Variants in TLN2 observed in about 807,000 individuals in gnomAD.
TLN2 encodes talin-2.
In TLN2, 118 loss-of-function variants were observed where a neutral mutation model predicts 294.7. The ratio of observed to expected loss-of-function variants is 0.40; its 90% CI spans 0.34 to 0.47. TLN2 has a LOEUF of 0.47. Among genes scored for constraint, TLN2 ranks in the 20% least tolerant of loss-of-function variants. The pLI is 0.84. For synonymous variants in TLN2, 1,431 were observed against 1,304.5 expected (o/e 1.10, Z -2.09); for missense variants, 3,083 against 3,282.2 (o/e 0.94, Z 1.48).
At chr15:62,658,732 A>G (rs1032009753) in intron 9 of TLN2, among the ~76,000 whole-genome samples, 1 of 152,136 alleles carries the variant, frequency 6.6e-6, no homozygotes, top group Non-Finnish European at 1.5e-5. Flanking sequence ...TTCCTTCCTC[A>G]GGAACCTCGG....
At chr15:62,797,880 C>T (rs759130861) in intron 48 of TLN2, among the ~76,000 whole-genome samples, 3 of 152,102 alleles carry the variant, frequency 2.0e-5, no homozygotes, top group African/African-American at 4.8e-5. Context: ...ATAGAGGTAG[C>T]GACTGCAACC....
chr15:62,753,204 G>A (rs756142441), intron 35 of TLN2, among the ~76,000 whole-genome samples: 2 of 152,042 alleles, frequency 1.3e-5, no homozygotes, highest in Non-Finnish European at 2.9e-5. Context: ...TGCCTTTTTT[G>A]TTGTTTCTTT....
intron 45 of TLN2, among the ~76,000 whole-genome samples, chr15:62,788,477 A>T (rs1399858518): frequency 6.6e-6 from 1 of 152,270 alleles, no homozygotes; most frequent in East Asian, 1.9e-4. Context: ...ATTATTTATC[A>T]AGTCCTACCG....
intron 19 of TLN2, among the ~76,000 whole-genome samples, chr15:62,703,696 T>A (rs1364452930): frequency 6.6e-6 from 1 of 152,116 alleles, no homozygotes; most frequent in African/African-American, 2.4e-5. Context: ...GGTGGTTTAT[T>A]TTTTGTGTCT....
chr15:62,533,700 T>G (rs2041179788), intron 1 of TLN2, among the ~76,000 whole-genome samples: 1 of 152,134 alleles, frequency 6.6e-6, no homozygotes, highest in Non-Finnish European at 1.5e-5. Context: ...TGGCAGGTAT[T>G]TAGATGTCTT....
intron 2 of TLN2, among the ~76,000 whole-genome samples, chr15:62,592,060 T>C (rs758129263): frequency 1.1e-4 from 17 of 152,090 alleles, no homozygotes; most frequent in Admixed American, 3.9e-4. Context: ...AATGGAAAAC[T>C]GTGCTTTCTG....
chr15:62,406,708 AACTGAAAGTTGCTTTC>A (rs2033429985), intron 1 of TLN2, among the ~76,000 whole-genome samples: 1 of 152,164 alleles, frequency 6.6e-6, no homozygotes, highest in Non-Finnish European at 1.5e-5. Flanking sequence ...GGGCATGTCC[AACTGAAAGTTGCTTTC>A]ACCCTGGCTG....
chr15:62,642,621 T>A (rs1435814813), intron 3 of TLN2, among the ~76,000 whole-genome samples: 1 of 152,236 alleles, frequency 6.6e-6, no homozygotes, highest in African/African-American at 2.4e-5. Flanking sequence ...ACACTCATCT[T>A]TAGTCTACAT....
chr15:62,824,130 T>G (rs2067826437), intron 54 of TLN2: 1 of 370,298 alleles, frequency 2.7e-6, no homozygotes, highest in African/African-American at 2.2e-5. Flanking sequence ...GGAGCACTCA[T>G]TACAATTCAT....
chr15:62,708,220 T>TGGAA (rs1179440294), intron 20 of TLN2, among the ~76,000 whole-genome samples: 1 of 152,174 alleles, frequency 6.6e-6, no homozygotes, highest in Non-Finnish European at 1.5e-5. Context: ...TTTCTCTGTA[T>TGGAA]GGAAGTAGGG....
chr15:62,599,836 CT>C (rs1008024468), intron 2 of TLN2, among the ~76,000 whole-genome samples: 4 of 152,128 alleles, frequency 2.6e-5, no homozygotes, highest in African/African-American at 9.7e-5. Context: ...CTTGCTGTCC[CT>C]GTTGGCCACT....
chr15:62,500,738 A>G lies in TLN2; in HGVS notation c.-237-88949A>G, dbSNP rs140931176. ...CACTTGGAGTTGGGCACAATGTGAA[A>G]TTCCTTCTTGAGGGAGCGCTGTTGG... On this transcript the variant is annotated intron_variant, in intron 1 of 58. Coordinates refer to ENST00000636159, the MANE Select transcript of TLN2 (RefSeq NM_015059.3). 1.6e-3 allele frequency among the ~76,000 whole-genome samples: 244 copies of G among 152,354 alleles called. 1 individual carries two copies. The highest frequency in any genetic ancestry group is 5.6e-3 in the African/African-American group (232 of 41,580).
At chr15:62,396,997 G>C (rs895903824) in intron 1 of TLN2, among the ~76,000 whole-genome samples, 2 of 152,104 alleles carry the variant, frequency 1.3e-5, no homozygotes, top group African/African-American at 4.8e-5. Context: ...GAGCCACGGT[G>C]CCTGGCCTGA....
intron 14 of TLN2, 125 bp downstream of exon 14, chr15:62,694,517 T>G: frequency 1.4e-6 from 1 of 732,142 alleles, no homozygotes; most frequent in Non-Finnish European, 2.3e-6. Flanking sequence ...ATGATATAGT[T>G]GAATCTTCTT....
At chr15:62,507,446 G>A (rs1401862509) in intron 1 of TLN2, among the ~76,000 whole-genome samples, 1 of 152,186 alleles carries the variant, frequency 6.6e-6, no homozygotes, top group Non-Finnish European at 1.5e-5. Flanking sequence ...TTGCCCTAAG[G>A]CTGGTCCTTC....
At chr15:62,667,733 G>C (rs2054885076) in intron 9 of TLN2, among the ~76,000 whole-genome samples, 1 of 152,298 alleles carries the variant, frequency 6.6e-6, no homozygotes, top group Admixed American at 6.5e-5. Flanking sequence ...CTGCTTCCCT[G>C]TGTGCTTGTA....
chr15:62,779,233 G>A (rs1016463278), intron 43 of TLN2, among the ~76,000 whole-genome samples: 5 of 152,160 alleles, frequency 3.3e-5, no homozygotes, highest in African/African-American at 9.7e-5. Flanking sequence ...TCAGCTTTCC[G>A]GGTGACCTTG....
At chr15:62,488,184 AATTG>A (rs1486252082) in intron 1 of TLN2, among the ~76,000 whole-genome samples, 2 of 152,216 alleles carry the variant, frequency 1.3e-5, no homozygotes, top group African/African-American at 2.4e-5. Flanking sequence ...GAAATAGGAT[AATTG>A]ATCATACAAA....
At chr15:62,700,610 A>G (rs747729926) in intron 16 of TLN2, among the ~76,000 whole-genome samples, 2 of 152,172 alleles carry the variant, frequency 1.3e-5, no homozygotes, top group Admixed American at 1.3e-4. Flanking sequence ...CTACATGAGC[A>G]TGGCCCTTAG....
Sources: gnomAD v4.1 joint callset for allele counts (sites outside exome capture counted in the v4.1 genomes callset) on GRCh38, gnomAD v4.1.1 for gene constraint, MANE v1.5 for transcripts, NCBI Gene and HGNC (gene_info 2026-07-23, HGNC 2026-07-21) for gene names.